Variants in PRTFDC1 observed in about 807,000 individuals in gnomAD.
PRTFDC1 encodes phosphoribosyl transferase domain containing 1, also known as phosphoribosyltransferase domain-containing protein 1.
Under a neutral mutation model 34.6 loss-of-function variants are expected in PRTFDC1, and 38 were observed. The observed-to-expected ratio is 1.10, with a 90% confidence interval of 0.85 to 1.44. The LOEUF is 1.44. Ranked by LOEUF, PRTFDC1 falls within the 40% of genes most tolerant of loss-of-function variation. PRTFDC1 has a pLI of 0.00. For synonymous variants in PRTFDC1, 93 were observed against 98.1 expected (o/e 0.95, Z 0.31); for missense variants, 270 against 283.0 (o/e 0.95, Z 0.33).
intron 3 of PRTFDC1, among the ~76,000 whole-genome samples, chr10:24,922,435 G>A (rs1162521494): frequency 1.3e-5 from 2 of 152,204 alleles, no homozygotes; most frequent in Non-Finnish European, 2.9e-5. Flanking sequence ...CATGTGTCAT[G>A]GGAGGGACCC....
intron 5 of PRTFDC1, among the ~76,000 whole-genome samples, chr10:24,857,324 C>T (rs547754668): frequency 1.3e-5 from 2 of 152,260 alleles, no homozygotes; most frequent in Non-Finnish European, 2.9e-5. Context: ...AAATTTGGCC[C>T]TGAGTTTATG....
Position 24,937,187 on chromosome 10 carries a change from G to C in PRTFDC1, c.336C>G (p.Tyr112Ter). The C allele has an allele frequency of 6.2e-7, 1 of 1,610,578 alleles. No individual in the cohort carries two copies. Among genetic ancestry groups the C allele is most frequent in the Non-Finnish European group, 8.5e-7 (1 of 1,178,290 alleles). The change falls in exon 3 of 9, where the codon TAC (tyrosine) becomes TAG (stop). Residue 112 changes from tyrosine to a stop codon, truncating the protein, a stop_gained. Transcript: ENST00000320152. LOFTEE classifies it high-confidence loss of function. ...MKVDFIRLKS[Y>*]RNDQSMGEMQ... ...AGCGGAACTTGTAATAACTTACCCTGTAACTTTTTAGTCTGATGAAATCAA... is the reference window on the plus strand; with the variant it reads ...AGCGGAACTTGTAATAACTTACCCTCTAACTTTTTAGTCTGATGAAATCAA...
chr10:24,889,140 G>A (rs1848220259), intron 3 of PRTFDC1, among the ~76,000 whole-genome samples: 2 of 152,090 alleles, frequency 1.3e-5, no homozygotes, highest in Admixed American at 1.3e-4. Flanking sequence ...ATTAGGATTA[G>A]TGCCTTTAGA....
intron 8 of PRTFDC1, among the ~76,000 whole-genome samples, 182 bp downstream of exon 8, chr10:24,851,206 G>A (rs1847480795): frequency 1.3e-5 from 2 of 152,156 alleles, no homozygotes; most frequent in South Asian, 4.1e-4. Context: ...CTATCATCCT[G>A]ATACCTACCC....
chr10:24,916,959 G>A (rs796182687), intron 3 of PRTFDC1, among the ~76,000 whole-genome samples: 24 of 152,046 alleles, frequency 1.6e-4, no homozygotes, highest in African/African-American at 5.6e-4. Context: ...TACCATATAT[G>A]TGTATCTTCT....
intron 3 of PRTFDC1, among the ~76,000 whole-genome samples, chr10:24,931,897 GA>G (rs1428184371): frequency 2.5e-5 from 3 of 122,428 alleles, no homozygotes; most frequent in African/African-American, 1.0e-4. Context: ...ACCAGAATCA[GA>G]AAAAGGCACT....
intron 3 of PRTFDC1, among the ~76,000 whole-genome samples, chr10:24,884,171 A>G (rs940162897): frequency 8.6e-5 from 13 of 151,776 alleles, no homozygotes; most frequent in African/African-American, 3.1e-4. Flanking sequence ...AAAAAAAAAA[A>G]AGGAAGATTT....
intron 4 of PRTFDC1, among the ~76,000 whole-genome samples, chr10:24,860,537 A>T (rs1050341236): frequency 5.9e-5 from 9 of 152,330 alleles, no homozygotes; most frequent in African/African-American, 2.2e-4. Flanking sequence ...ACACATTCTT[A>T]TGTTAAAATA....
intron 3 of PRTFDC1, among the ~76,000 whole-genome samples, chr10:24,934,459 G>A (rs772952664): frequency 3.3e-5 from 5 of 152,174 alleles, no homozygotes; most frequent in Non-Finnish European, 5.9e-5. Flanking sequence ...CTCCCTTTAG[G>A]AATTGCTGAT....
At chr10:24,856,583 ACT>A (rs1307896963) in intron 6 of PRTFDC1, among the ~76,000 whole-genome samples, 4 of 152,130 alleles carry the variant, frequency 2.6e-5, no homozygotes, top group African/African-American at 7.2e-5. Flanking sequence ...ACAGAGCAAG[ACT>A]CTGTCTCAAA....
At chr10:24,887,438 C>A (rs538900683) in intron 3 of PRTFDC1, among the ~76,000 whole-genome samples, 2 of 144,282 alleles carry the variant, frequency 1.4e-5, no homozygotes, top group East Asian at 4.0e-4. Flanking sequence ...TGAGTTCTCA[C>A]GAGATCTGAT....
At chr10:24,893,945 G>A (rs368982983) in intron 3 of PRTFDC1, among the ~76,000 whole-genome samples, 21 of 152,304 alleles carry the variant, frequency 1.4e-4, no homozygotes, top group East Asian at 5.8e-4. Context: ...ACCTCATGAC[G>A]TCTATTGGAA....
At chr10:24,882,839 TA>T (rs899549437) in intron 3 of PRTFDC1, among the ~76,000 whole-genome samples, 4 of 149,824 alleles carry the variant, frequency 2.7e-5, no homozygotes, top group South Asian at 4.2e-4. Context: ...ATAAAAAAAG[TA>T]AAAAAAAATC....
At chr10:24,950,256 C>T (rs1241488174) in intron 1 of PRTFDC1, among the ~76,000 whole-genome samples, 2 of 152,084 alleles carry the variant, frequency 1.3e-5, no homozygotes, top group Non-Finnish European at 2.9e-5. Context: ...GTTGAGTACC[C>T]CTTATCCAAA....
intron 3 of PRTFDC1, chr10:24,908,721 A>G: frequency 6.5e-7 from 1 of 1,545,040 alleles, no homozygotes; most frequent in Non-Finnish European, 8.7e-7. Flanking sequence ...GTGAGGGAGG[A>G]AGGAGACACC....
At chr10:24,868,264 C>T (rs1847819495) in intron 4 of PRTFDC1, 1 of 152,140 alleles carries the variant, frequency 6.6e-6, no homozygotes, top group South Asian at 2.1e-4. Flanking sequence ...GGTAAAAGCT[C>T]ACCCTCCCCT....
At chr10:24,858,100 C>T (rs1350813540) in intron 5 of PRTFDC1, among the ~76,000 whole-genome samples, 2 of 152,144 alleles carry the variant, frequency 1.3e-5, no homozygotes, top group Non-Finnish European at 2.9e-5. Flanking sequence ...GAGCTAGTTT[C>T]CTCTTCTTTA....
chr10:24,926,759 T>G (rs1476851946), intron 3 of PRTFDC1, among the ~76,000 whole-genome samples: 3 of 152,214 alleles, frequency 2.0e-5, no homozygotes, highest in Admixed American at 2.0e-4. Context: ...CCGGGTCCTG[T>G]TCCTGGTCCT....
chr10:24,880,418 TTTG>T (rs954894549), intron 3 of PRTFDC1, among the ~76,000 whole-genome samples: 22 of 152,130 alleles, frequency 1.4e-4, no homozygotes, highest in African/African-American at 4.8e-4. Flanking sequence ...AGCTAAATTT[TTTG>T]TTGTTGTTGT....
Sources: allele counts gnomAD v4.1 joint callset (sites outside exome capture counted in the v4.1 genomes callset), GRCh38; gene constraint gnomAD v4.1.1; transcripts MANE v1.5; gene names NCBI Gene and HGNC (gene_info 2026-07-23, HGNC 2026-07-21).